The following PPP2R2B variants were observed in gnomAD, a reference collection of about 807,000 sequenced individuals.
PPP2R2B encodes serine/threonine-protein phosphatase 2A 55 kDa regulatory subunit B beta isoform.
In PPP2R2B, 5 loss-of-function variants were observed where a neutral mutation model predicts 46.0. The ratio of observed to expected loss-of-function variants is 0.11; its 90% CI spans 0.06 to 0.23. PPP2R2B has a LOEUF of 0.23. Ranked by LOEUF, PPP2R2B falls within the 10% of genes least tolerant of loss-of-function variation. The probability of loss-of-function intolerance (pLI) is 1.00; values close to 1 mark genes in which losing one functional copy is unlikely to be tolerated. For missense variants in PPP2R2B, 367 were observed against 575.0 expected, an observed-to-expected ratio of 0.64 and a Z score of 3.70; for synonymous variants, 215 against 206.7, an observed-to-expected ratio of 1.04 and a Z score of -0.34.
intron 1 of PPP2R2B, among the ~76,000 whole-genome samples, chr5:147,011,787 AG>A (rs1237808728): frequency 4.8e-5 from 7 of 144,984 alleles, no homozygotes; most frequent in East Asian, 2.0e-4. Flanking sequence ...TTTAGCATGA[AG>A]GGTTGTTGAA....
intron 1 of PPP2R2B, among the ~76,000 whole-genome samples, chr5:146,928,953 T>C (rs116022861): frequency 0.013 from 1,991 of 152,320 alleles, 36 homozygotes; most frequent in African/African-American, 0.046. Context: ...GAAAACATGA[T>C]ACTGGCTTTT....
chr5:146,823,145 C>T (rs373481273), intron 2 of PPP2R2B, among the ~76,000 whole-genome samples: 3 of 152,242 alleles, frequency 2.0e-5, no homozygotes, highest in South Asian at 4.1e-4. Context: ...CATCTGACAG[C>T]CTGCATATCA....
At chr5:146,743,135 G>A (rs1187043117) in intron 2 of PPP2R2B, among the ~76,000 whole-genome samples, 1 of 152,112 alleles carries the variant, frequency 6.6e-6, no homozygotes, top group Non-Finnish European at 1.5e-5. Flanking sequence ...CACAAACCAG[G>A]TCCTATGGTA....
rs1031095073 is a variant in PPP2R2B at position 146,844,905 on chromosome 5, C to T, written c.70+33097G>A. ...GTGACCTGAGGTCAAGGCAGTCTTC[C>T]TAATCAAGAAGCCCCTTCCCCTAAA... On this transcript the variant is annotated intron_variant, in intron 2 of 9. Coordinates refer to ENST00000394411, the MANE Select transcript of PPP2R2B (RefSeq NM_181675.4). Among the ~76,000 whole-genome samples the T allele has an allele frequency of 3.3e-5, 5 of 152,184 alleles. 1 individual carries two copies. The highest frequency in any genetic ancestry group is 1.2e-4 in the African/African-American group (5 of 41,446).
chr5:146,768,813 C>T (rs552703047), intron 2 of PPP2R2B, among the ~76,000 whole-genome samples: 1 of 152,206 alleles, frequency 6.6e-6, no homozygotes, highest in Admixed American at 6.5e-5. Context: ...CCTAGTGTTT[C>T]TGAGACTTTT....
intron 1 of PPP2R2B, among the ~76,000 whole-genome samples, chr5:147,003,069 G>A (rs949816414): frequency 6.6e-6 from 1 of 152,110 alleles, no homozygotes; most frequent in African/African-American, 2.4e-5. Context: ...CGATCCTGCA[G>A]GTTGACCTTT....
At chr5:146,706,067 C>G (rs1458640548) in intron 2 of PPP2R2B, among the ~76,000 whole-genome samples, 1 of 152,076 alleles carries the variant, frequency 6.6e-6, no homozygotes, top group Non-Finnish European at 1.5e-5. Context: ...AGGCAGTGAA[C>G]TCCCCCGCGG....
At chr5:146,977,642 T>C (rs1373889727) in intron 1 of PPP2R2B, among the ~76,000 whole-genome samples, 1 of 152,152 alleles carries the variant, frequency 6.6e-6, no homozygotes, top group Non-Finnish European at 1.5e-5. Flanking sequence ...TTTCTGTCCC[T>C]GTGTTAGTTT....
At position 146,671,243 on chromosome 5, in the gene PPP2R2B, T is replaced by C. The variant is rs138846303; in HGVS notation, c.447+19885A>G. Among the ~76,000 whole-genome samples the C allele has an allele frequency of 2.0e-4, 30 of 152,340 alleles. No individual in the cohort carries two copies. The East Asian group carries it at 5.4e-3, about 27-fold the overall frequency. On this transcript the variant is annotated intron_variant, in intron 5 of 9. Transcript: ENST00000394411. ...TAGTATGTTAGGTGATTCATGTATG[T>C]TGATTTTAAGTATTTATAGAAAATG...
intron 2 of PPP2R2B, among the ~76,000 whole-genome samples, chr5:146,719,770 A>C (rs1780689392): frequency 7.3e-6 from 1 of 136,268 alleles, no homozygotes; most frequent in South Asian, 2.2e-4. Flanking sequence ...GTATTAGCCC[A>C]CACAAAGGTT....
At chr5:146,839,125 A>T (rs1486485261) in intron 2 of PPP2R2B, among the ~76,000 whole-genome samples, 1 of 152,170 alleles carries the variant, frequency 6.6e-6, no homozygotes. Flanking sequence ...TTCAGATATC[A>T]TGTGCCTACC....
intron 2 of PPP2R2B, among the ~76,000 whole-genome samples, chr5:146,705,933 C>CT (rs747667342): frequency 0.034 from 4,677 of 139,378 alleles, 85 homozygotes; most frequent in Non-Finnish European, 0.042. Flanking sequence ...TATCTTTTCT[C>CT]TTTTTTTTTT....
intron 1 of PPP2R2B, among the ~76,000 whole-genome samples, chr5:147,042,621 A>T (rs928719304): frequency 2.0e-5 from 3 of 152,154 alleles, no homozygotes; most frequent in Non-Finnish European, 4.4e-5. Context: ...ATCATTCACT[A>T]CTATATGCCA....
chr5:146,839,859 A>C (rs144487822), intron 2 of PPP2R2B, among the ~76,000 whole-genome samples: 1 of 152,222 alleles, frequency 6.6e-6, no homozygotes, highest in South Asian at 2.1e-4. Context: ...CATTTCTACA[A>C]TTTTATTCAT....
intron 1 of PPP2R2B, among the ~76,000 whole-genome samples, chr5:146,952,213 T>G (rs914764213): frequency 6.6e-6 from 1 of 152,186 alleles, no homozygotes; most frequent in South Asian, 2.1e-4. Context: ...TTTAAATCCT[T>G]TTTTTGGGAT....
chr5:146,835,053 T>C (rs891583389), intron 2 of PPP2R2B, among the ~76,000 whole-genome samples: 3 of 152,158 alleles, frequency 2.0e-5, no homozygotes, highest in African/African-American at 7.2e-5. Context: ...TGATTCTGGG[T>C]CTTTGCTATT....
At chr5:147,065,733 G>C (rs1178123291) in intron 2 of PPP2R2B, among the ~76,000 whole-genome samples, 1 of 152,070 alleles carries the variant, frequency 6.6e-6, no homozygotes, top group Non-Finnish European at 1.5e-5. Flanking sequence ...GAGTATGAGT[G>C]TTGAAGGAAG....
chr5:146,613,969 A>ATGAC (rs1181759945), intron 7 of PPP2R2B, among the ~76,000 whole-genome samples: 13 of 116,364 alleles, frequency 1.1e-4, no homozygotes, highest in African/African-American at 5.0e-4. Flanking sequence ...CAAGCTACCA[A>ATGAC]TGACTTTCTT....
chr5:146,828,454 T>C (rs1758716315), intron 2 of PPP2R2B, among the ~76,000 whole-genome samples: 1 of 152,188 alleles, frequency 6.6e-6, no homozygotes, highest in Non-Finnish European at 1.5e-5. Context: ...TTGCATTAAG[T>C]GCCAAAGAAT....
Sources: gnomAD v4.1 joint callset for allele counts (sites outside exome capture counted in the v4.1 genomes callset) on GRCh38, gnomAD v4.1.1 for gene constraint, MANE v1.5 for transcripts, NCBI Gene and HGNC (gene_info 2026-07-23, HGNC 2026-07-21) for gene names.